Variants in SEC23B observed in about 807,000 individuals in gnomAD.
SEC23B encodes the protein protein transport protein Sec23B.
SEC23B carries 77 observed loss-of-function variants against 104.3 expected under a neutral mutation model. The ratio of observed to expected loss-of-function variants is 0.74; its 90% confidence interval spans 0.61 to 0.89. The LOEUF (loss-of-function observed/expected upper bound fraction) is 0.89. Ranked by LOEUF, SEC23B falls within the 40% of genes least tolerant of loss-of-function variation. The pLI, the probability that SEC23B is intolerant of heterozygous loss-of-function variation, is 0.00. For synonymous variants in SEC23B, 338 were observed against 332.5 expected (o/e 1.02, Z -0.18); for missense variants, 885 against 949.4 (o/e 0.93, Z 0.89).
At chr20:18,524,742 G>T in intron 5 of SEC23B, 73 bp downstream of exon 5, 1 of 1,354,928 alleles carries the variant, frequency 7.4e-7, no homozygotes, top group Non-Finnish European at 1.1e-6. Flanking sequence ...CTTTAAAAGA[G>T]CCTGTAGCCC....
At chr20:18,560,583 T>C in intron 19 of SEC23B, 68 bp from the exon 20 acceptor site, 1 of 1,256,866 alleles carries the variant, frequency 8.0e-7, no homozygotes, top group Non-Finnish European at 1.2e-6. Context: ...GGGAAGGTGC[T>C]TGACAGCTCA....
intron 4 of SEC23B, among the ~76,000 whole-genome samples, chr20:18,519,799 G>C (rs1224736044): frequency 1.3e-5 from 2 of 152,194 alleles, no homozygotes; most frequent in Non-Finnish European, 2.9e-5. Flanking sequence ...ACCATGCCTA[G>C]GAAGGAAAGG....
rs1555353 is a variant in SEC23B at position 18,525,973 on chromosome 20, G to A, written c.834+41G>A. 0.35 allele frequency: 553,695 copies of A among 1,595,574 alleles called. 99,912 individuals carry two copies. Among genetic ancestry groups the A allele is most frequent in the Middle Eastern group, 0.4 (2,380 of 6,020 alleles). On this transcript the variant is annotated intron_variant, in intron 7 of 19. Coordinates refer to ENST00000650089, the MANE Select transcript of SEC23B (RefSeq NM_006363.6). Reference sequence around the variant, plus strand: ...CCAGGACCTCTCAAATCATACAAATGTGCTCTCAGAAAATATATTTGTTGG... The same window carrying A: ...CCAGGACCTCTCAAATCATACAAATATGCTCTCAGAAAATATATTTGTTGG...
intron 5 of SEC23B, 44 bp from the exon 6 acceptor site, chr20:18,524,891 T>C (rs1220773646): frequency 6.3e-7 from 1 of 1,596,146 alleles, no homozygotes; most frequent in Non-Finnish European, 8.6e-7. Flanking sequence ...CATTCACTTT[T>C]AGTGTCATTG....
At chr20:18,555,493 A>G (rs931967907) in intron 19 of SEC23B, among the ~76,000 whole-genome samples, 3 of 151,704 alleles carry the variant, frequency 2.0e-5, no homozygotes, top group Non-Finnish European at 4.4e-5. Flanking sequence ...TCCTCTCCCC[A>G]CCAAGAATAC....
At chr20:18,526,606 C>A in intron 8 of SEC23B, 75 bp downstream of exon 8, 1 of 1,503,854 alleles carries the variant, frequency 6.6e-7, no homozygotes, top group Non-Finnish European at 9.3e-7. Flanking sequence ...GTGACAGCTA[C>A]TTTGCCAAGG....
Position 18,514,319 on chromosome 20 carries a change from G to A in SEC23B, c.280-1331G>A, listed in dbSNP as rs77371206. ...GGGCCTCTCCAGGTTGCTGGGAGGTGGCTGGTGTGTCTGTAGTCATAGATC... is the reference window on the plus strand; with the variant it reads ...GGGCCTCTCCAGGTTGCTGGGAGGTAGCTGGTGTGTCTGTAGTCATAGATC... On this transcript the variant is annotated intron_variant, in intron 3 of 19. Coordinates refer to ENST00000650089, the MANE Select transcript of SEC23B (RefSeq NM_006363.6). Among the ~76,000 whole-genome samples the A allele has an allele frequency of 2.7e-3, 413 of 152,292 alleles. 4 individuals carry two copies. In the South Asian group the frequency reaches 0.04, roughly 15 times the overall value.
intron 11 of SEC23B, among the ~76,000 whole-genome samples, chr20:18,533,775 A>G (rs1486433925): frequency 6.6e-6 from 1 of 152,188 alleles, no homozygotes; most frequent in Non-Finnish European, 1.5e-5. Context: ...CCATCTGATG[A>G]GTCATTCATT....
intron 15 of SEC23B, among the ~76,000 whole-genome samples, chr20:18,547,438 A>G (rs1256408635): frequency 1.3e-5 from 2 of 152,132 alleles, no homozygotes; most frequent in East Asian, 1.9e-4. Flanking sequence ...GAAGCTTTAC[A>G]CTTCACAAGG....
rs1429830688 is a variant in SEC23B at position 18,560,696 on chromosome 20, T to A, written c.2260T>A (p.Phe754Ile). ...ILTDDVSLQV[F>I]MDHLKKLAVS... is the part of the protein sequence containing the mutation. ...AACTGATGATGTTAGCCTGCAGGTGTTCATGGACCATTTGAAGAAGCTGGC... is the reference window on the plus strand; with the variant it reads ...AACTGATGATGTTAGCCTGCAGGTGATCATGGACCATTTGAAGAAGCTGGC... Residue 754 changes from phenylalanine to isoleucine, a missense_variant, in exon 20 of 20, where the codon TTC (phenylalanine) becomes ATC (isoleucine). Transcript: ENST00000650089. 6.2e-7 allele frequency: 1 copy of A among 1,614,142 alleles called. No individual in the cohort carries two copies. Among genetic ancestry groups the A allele is most frequent in the Non-Finnish European group, 8.5e-7 (1 of 1,180,000 alleles).
At chr20:18,518,349 C>T (rs760947432) in intron 4 of SEC23B, among the ~76,000 whole-genome samples, 2 of 152,106 alleles carry the variant, frequency 1.3e-5, no homozygotes, top group African/African-American at 2.4e-5. Context: ...TTGCCAGTCC[C>T]GAGCAGGGGC....
chr20:18,542,898 C>G, intron 13 of SEC23B, 121 bp from the exon 14 acceptor site: 1 of 1,313,922 alleles, frequency 7.6e-7, no homozygotes, highest in Non-Finnish European at 1.1e-6. Flanking sequence ...CTTGCCCTCC[C>G]AAAGTGTTGG....
At chr20:18,518,023 G>A (rs943624054) in intron 4 of SEC23B, among the ~76,000 whole-genome samples, 1 of 152,114 alleles carries the variant, frequency 6.6e-6, no homozygotes, top group Non-Finnish European at 1.5e-5. Flanking sequence ...AGCTTGGTGA[G>A]GTGTGTTTTT....
In SEC23B at chr20:18,560,786, A is replaced by G. The variant is rs1401059532; in HGVS notation, c.*46A>G. 7.2e-7 allele frequency: 1 copy of G among 1,387,108 alleles called. No individual in the cohort carries two copies. Among genetic ancestry groups the G allele is most frequent in the Non-Finnish European group, 1.0e-6 (1 of 972,756 alleles). 85.9% of individuals were successfully genotyped at this position (1,387,108 alleles called of 1,614,324 possible). A position where few individuals can be genotyped will look rare whatever the true frequency, so the allele number is the denominator to read the frequency against. ...ATGCAACGGTGTCAGATTGTGTTCAAAATGTCTAGAAAGGCTTGATAACAT... is the reference window on the plus strand; with the variant it reads ...ATGCAACGGTGTCAGATTGTGTTCAGAATGTCTAGAAAGGCTTGATAACAT... On this transcript the variant is annotated 3_prime_UTR_variant, in exon 20 of 20. Coordinates refer to ENST00000650089, the MANE Select transcript of SEC23B (RefSeq NM_006363.6).
intron 15 of SEC23B, 111 bp from the exon 16 acceptor site, chr20:18,548,498 G>C: frequency 9.8e-7 from 1 of 1,019,410 alleles, no homozygotes. Context: ...TGAAACCAGA[G>C]AGCCCTTTTC....
rs1165634030 is a variant in SEC23B at position 18,539,645 on chromosome 20, C to CT, written c.1405-2634dup. Among the ~76,000 whole-genome samples the CT allele has an allele frequency of 4.6e-3, 604 of 131,434 alleles. 5 individuals carry two copies. Among genetic ancestry groups the CT allele is most frequent in the African/African-American group, 7.8e-3 (281 of 35,970 alleles). The allele number at this position is 131,434 out of a possible 152,430, so 86.2% of individuals were successfully genotyped here. On this transcript the variant is annotated intron_variant, in intron 12 of 19. Coordinates refer to ENST00000650089, the MANE Select transcript of SEC23B (RefSeq NM_006363.6). Reference sequence around the variant, plus strand: ...AGCCACCACACCCAGCCAGGATCCACTTTTTTTTTTTTTTTTTGAGATGGA... The same window carrying CT: ...AGCCACCACACCCAGCCAGGATCCACTTTTTTTTTTTTTTTTTTGAGATGGA...
Position 18,554,958 on chromosome 20 carries a change from GCA to G in SEC23B, c.2149-149_2149-148del. 10 of 85,686 alleles carry G rather than the reference GCA, an allele frequency of 1.2e-4. 4 individuals are homozygous for G. Among genetic ancestry groups the G allele is most frequent in the South Asian group, 2.7e-4 (2 of 7,346 alleles). The allele number at this position is 85,686 out of a possible 1,614,324, so 5.3% of individuals were successfully genotyped here. A position where few individuals can be genotyped will look rare whatever the true frequency, so the allele number is the denominator to read the frequency against. On this transcript the variant is annotated intron_variant, in intron 18 of 19. Coordinates refer to ENST00000650089, the MANE Select transcript of SEC23B (RefSeq NM_006363.6). ...TTAAGCTAAAGAAATAGATTACTGT[GCA>G]GTAAAACAATTCTAATTAGATTACT...
chr20:18,554,243 C>G lies in SEC23B; in HGVS notation c.2001C>G (p.Ala667=). The change falls in exon 18 of 20, where the codon GCC becomes GCG. Residue 667 remains alanine (A), a synonymous_variant. Coordinates refer to ENST00000650089, the MANE Select transcript of SEC23B (RefSeq NM_006363.6). ...GGTTTGTTTCTGTGTAGACCATAGC[C>G]CAGTGGCGTAAAGCTGGCTACCAGG... is the stretch of plus-strand genomic sequence containing the variant. ...QIVIYLGETI[A]QWRKAGYQDM... The G allele has an allele frequency of 6.2e-7, 1 of 1,614,110 alleles. No homozygotes were observed. Among genetic ancestry groups the G allele is most frequent in the Non-Finnish European group, 8.5e-7 (1 of 1,180,010 alleles).
At chr20:18,550,200 G>C (rs1329600278) in intron 16 of SEC23B, among the ~76,000 whole-genome samples, 1 of 147,128 alleles carries the variant, frequency 6.8e-6, no homozygotes, top group African/African-American at 2.5e-5. Context: ...TGTCACCCAG[G>C]TTGGAGTACA....
Sources: gnomAD v4.1 joint callset for allele counts (sites outside exome capture counted in the v4.1 genomes callset) on GRCh38, gnomAD v4.1.1 for gene constraint, MANE v1.5 for transcripts, NCBI Gene and HGNC (gene_info 2026-07-23, HGNC 2026-07-21) for gene names.